Variants in FNDC3A observed in about 807,000 individuals in gnomAD.
FNDC3A encodes fibronectin type III domain containing 3A.
A neutral mutation model predicts 148.9 loss-of-function variants in FNDC3A; 32 were observed. That is an observed-to-expected ratio of 0.21 (90% confidence interval 0.16 to 0.29). The LOEUF (loss-of-function observed/expected upper bound fraction) is 0.29. Among genes scored for constraint, FNDC3A ranks in the 10% least tolerant of loss-of-function variants. The pLI is 1.00. For missense variants in FNDC3A, 1,191 were observed against 1,452.8 expected, an observed-to-expected ratio of 0.82 and a Z score of 2.93; for synonymous variants, 472 against 473.6, an observed-to-expected ratio of 1.00 and a Z score of 0.04.
At chr13:49,133,239 T>C (rs1179645688) in intron 5 of FNDC3A, among the ~76,000 whole-genome samples, 1 of 152,230 alleles carries the variant, frequency 6.6e-6, no homozygotes, top group Non-Finnish European at 1.5e-5. Context: ...CAAAAGTTTA[T>C]ACTGCAGATT....
chr13:49,006,933 T>C (rs1177544665), intron 2 of FNDC3A, among the ~76,000 whole-genome samples: 1 of 152,084 alleles, frequency 6.6e-6, no homozygotes, highest in Non-Finnish European at 1.5e-5. Flanking sequence ...TAATAAATGT[T>C]AATGAGGAAG....
At chr13:49,202,820 A>G (rs1379861160) in intron 24 of FNDC3A, among the ~76,000 whole-genome samples, 1 of 152,172 alleles carries the variant, frequency 6.6e-6, no homozygotes, top group Non-Finnish European at 1.5e-5. Context: ...CGTGGGCAAC[A>G]TACTGAGACC....
chr13:49,110,435 C>A, intron 3 of FNDC3A: 1 of 1,432,916 alleles, frequency 7.0e-7, no homozygotes, highest in Non-Finnish European at 9.9e-7. Context: ...GAACATTCTG[C>A]TTTTATTTTA....
At chr13:48,982,469 G>A (rs913289681) in intron 1 of FNDC3A, among the ~76,000 whole-genome samples, 27 of 152,034 alleles carry the variant, frequency 1.8e-4, no homozygotes, top group Non-Finnish European at 3.1e-4. Context: ...TAGTATGTTC[G>A]CATTTTTGTT....
intron 2 of FNDC3A, 70 bp downstream of exon 2, chr13:49,006,359 C>A: frequency 2.7e-6 from 2 of 736,534 alleles, no homozygotes; most frequent in Non-Finnish European, 4.5e-6. Context: ...TAAAACAGAT[C>A]ACAATAGTGA....
intron 16 of FNDC3A, chr13:49,187,736 A>G: frequency 4.6e-6 from 5 of 1,092,064 alleles, no homozygotes; most frequent in Admixed American, 4.5e-5. Context: ...GCACCTCACC[A>G]AGACCTTTTT....
intron 8 of FNDC3A, among the ~76,000 whole-genome samples, chr13:49,159,021 A>G (rs1041650107): frequency 7.9e-5 from 12 of 152,206 alleles, no homozygotes; most frequent in African/African-American, 2.7e-4. Flanking sequence ...TAGTTACTGT[A>G]GCCTTGTAGT....
chr13:49,207,046 A>G, intron 25 of FNDC3A, 35 bp from the exon 26 acceptor site: 1 of 1,496,838 alleles, frequency 6.7e-7, no homozygotes, highest in South Asian at 1.2e-5. Context: ...TCCAGCCTTC[A>G]CACGTAATTC....
chr13:48,999,657 C>A (rs141019289), intron 1 of FNDC3A, among the ~76,000 whole-genome samples: 140 of 152,230 alleles, frequency 9.2e-4, no homozygotes, highest in African/African-American at 3.2e-3. Context: ...ATATATTGAA[C>A]CCCTAACCCC....
chr13:49,126,008 TC>T (rs1881670532), intron 4 of FNDC3A, among the ~76,000 whole-genome samples: 1 of 152,184 alleles, frequency 6.6e-6, no homozygotes, highest in Admixed American at 6.5e-5. Context: ...TTATATTTTA[TC>T]TTTTTTTTCC....
At chr13:49,107,275 A>G (rs1260652981) in intron 3 of FNDC3A, among the ~76,000 whole-genome samples, 2 of 152,204 alleles carry the variant, frequency 1.3e-5, no homozygotes, top group Non-Finnish European at 2.9e-5. Flanking sequence ...GTAGAGTTAT[A>G]TAGAGTTATG....
At chr13:49,015,997 C>T (rs543825989) in intron 2 of FNDC3A, among the ~76,000 whole-genome samples, 17 of 151,814 alleles carry the variant, frequency 1.1e-4, no homozygotes, top group South Asian at 4.2e-4. Context: ...CTGCTGGATT[C>T]GGTTTGCCAG....
chr13:49,115,188 G>C (rs940028905), intron 4 of FNDC3A, among the ~76,000 whole-genome samples: 7 of 128,474 alleles, frequency 5.4e-5, no homozygotes, highest in African/African-American at 1.3e-4. Context: ...GGATGAGGGG[G>C]GGGGGGAAAT....
At chr13:49,081,742 C>A (rs1425902105) in intron 3 of FNDC3A, among the ~76,000 whole-genome samples, 1 of 152,196 alleles carries the variant, frequency 6.6e-6, no homozygotes, top group East Asian at 1.9e-4. Flanking sequence ...AAACAAAGAC[C>A]TTATATTCTT....
rs191011998 is a variant in FNDC3A at position 49,187,032 on chromosome 13, A to G, written c.1757-90A>G. On this transcript the variant is annotated intron_variant, in intron 15 of 25. Coordinates refer to ENST00000492622, the MANE Select transcript of FNDC3A (RefSeq NM_001079673.2). ...ATTGCAGGTGATTTTTTTTTTTTAA[A>G]CCTAGTTTGGTATTCTGTTTATTAG... 6.9e-6 allele frequency: 6 copies of G among 874,574 alleles called. No homozygotes were observed. In the Admixed American group the frequency reaches 1.0e-4, roughly 15 times the overall value. 54.2% of individuals were successfully genotyped at this position (874,574 alleles called of 1,614,324 possible). A position where few individuals can be genotyped will look rare whatever the true frequency, so the allele number is the denominator to read the frequency against.
At chr13:48,981,015 A>G (rs1048174048) in intron 1 of FNDC3A, among the ~76,000 whole-genome samples, 6 of 152,184 alleles carry the variant, frequency 3.9e-5, no homozygotes, top group East Asian at 1.9e-4. Flanking sequence ...TTAATTTATT[A>G]TTAGCATTTT....
Position 49,056,571 on chromosome 13 carries a change from C to G in FNDC3A, c.100-18718C>G, listed in dbSNP as rs192760317. ...CATTCTCTGTTCTTCTCCTGCAACT[C>G]CTATTAAAATGTATTTTGGACTTTC... On this transcript the variant is annotated intron_variant, in intron 2 of 25. Transcript: ENST00000492622. Among the ~76,000 whole-genome samples, 386 of 152,210 alleles carry G rather than the reference C, an allele frequency of 2.5e-3. 1 individual carries two copies. The highest frequency in any genetic ancestry group is 4.2e-3 in the Non-Finnish European group (286 of 68,006).
At chr13:48,975,472 A>T (rs906495743), upstream of FNDC3A, 6 of 152,212 alleles carry the variant, frequency 3.9e-5, no homozygotes, top group East Asian at 1.2e-3. Flanking sequence ...AGCCCATTTC[A>T]GAGGCTTCCT....
chr13:49,087,860 C>A (rs146622800), intron 3 of FNDC3A, among the ~76,000 whole-genome samples: 5 of 152,036 alleles, frequency 3.3e-5, no homozygotes, highest in African/African-American at 7.2e-5. Flanking sequence ...AACATTTATG[C>A]AGTCGGTTAT....
Sources: allele counts gnomAD v4.1 joint callset (sites outside exome capture counted in the v4.1 genomes callset), GRCh38; gene constraint gnomAD v4.1.1; transcripts MANE v1.5; gene names NCBI Gene and HGNC (gene_info 2026-07-23, HGNC 2026-07-21).